Variants in ECHDC1 observed in about 807,000 individuals in gnomAD.
ECHDC1 encodes ethylmalonyl-CoA decarboxylase.
ECHDC1 carries 29 observed loss-of-function variants against 29.7 expected under a neutral mutation model. The observed-to-expected ratio is 0.98, with a 90% CI of 0.73 to 1.33. The LOEUF (loss-of-function observed/expected upper bound fraction) is 1.33. ECHDC1 is among the 40% of genes most tolerant of loss of function. The pLI, the probability that ECHDC1 is intolerant of heterozygous loss-of-function variation, is 0.00. For missense variants in ECHDC1, 328 were observed against 350.0 expected (o/e 0.94, Z 0.50); for synonymous variants, 126 against 123.1 (o/e 1.02, Z -0.15).
At chr6:127,331,090 T>A in intron 1 of ECHDC1, 60 bp from the exon 2 acceptor site, 1 of 1,311,648 alleles carries the variant, frequency 7.6e-7, no homozygotes, top group South Asian at 1.2e-5. Flanking sequence ...TTTTCTAATA[T>A]TATGTGTTAA....
At chr6:127,324,070 T>G (rs924188188) in intron 3 of ECHDC1, among the ~76,000 whole-genome samples, 1 of 152,158 alleles carries the variant, frequency 6.6e-6, no homozygotes, top group African/African-American at 2.4e-5. Flanking sequence ...TTGCTGATTT[T>G]TAATGATGAC....
At chr6:127,341,079 T>C (rs1784902243) in intron 1 of ECHDC1, among the ~76,000 whole-genome samples, 1 of 152,212 alleles carries the variant, frequency 6.6e-6, no homozygotes, top group Admixed American at 6.5e-5. Flanking sequence ...ATGCCAATTT[T>C]TCCAAGAAAA....
intron 1 of ECHDC1, among the ~76,000 whole-genome samples, chr6:127,340,919 T>C (rs1784885212): frequency 6.6e-6 from 1 of 152,152 alleles, no homozygotes; most frequent in Non-Finnish European, 1.5e-5. Context: ...TCTGTCTTGA[T>C]ACATTACCCC....
At chr6:127,342,233 G>A in intron 1 of ECHDC1, 1 of 996,352 alleles carries the variant, frequency 1.0e-6, no homozygotes. Context: ...CTTCCCATTA[G>A]TCTTAGCTGC....
At chr6:127,326,420 A>G in intron 3 of ECHDC1, 1 of 357,882 alleles carries the variant, frequency 2.8e-6, no homozygotes, top group East Asian at 8.1e-5. Flanking sequence ...TAAACTACCC[A>G]GTCTCAGGTA....
At chr6:127,298,759 A>G (rs934724136) in intron 5 of ECHDC1, among the ~76,000 whole-genome samples, 1 of 152,192 alleles carries the variant, frequency 6.6e-6, no homozygotes, top group African/African-American at 2.4e-5. Flanking sequence ...TGATGCTGTT[A>G]AAAACAAACT....
At chr6:127,293,104 A>C (rs962783140) in intron 5 of ECHDC1, among the ~76,000 whole-genome samples, 2 of 152,094 alleles carry the variant, frequency 1.3e-5, no homozygotes, top group African/African-American at 4.8e-5. Context: ...TACACCTTTG[A>C]CAGGTGATAC....
At chr6:127,327,851 C>T (rs1024366630) in intron 2 of ECHDC1, among the ~76,000 whole-genome samples, 3 of 152,194 alleles carry the variant, frequency 2.0e-5, no homozygotes, top group Non-Finnish European at 2.9e-5. Context: ...ACAGCTGGGA[C>T]TGGCATTTTA....
intron 2 of ECHDC1, among the ~76,000 whole-genome samples, chr6:127,328,003 G>A (rs1437862126): frequency 6.6e-6 from 1 of 152,152 alleles, no homozygotes; most frequent in African/African-American, 2.4e-5. Flanking sequence ...TCATAACAGC[G>A]GGTTAAAACT....
intron 1 of ECHDC1, among the ~76,000 whole-genome samples, chr6:127,331,346 A>C (rs542713290): frequency 2.0e-5 from 3 of 152,112 alleles, no homozygotes; most frequent in South Asian, 4.2e-4. Flanking sequence ...GGGTTTCACC[A>C]TGTTAACCAG....
chr6:127,315,719 T>C, intron 4 of ECHDC1: 1 of 326,956 alleles, frequency 3.1e-6, no homozygotes, highest in South Asian at 2.6e-5. Context: ...GTTTAAACAA[T>C]GAAGATACTA....
At chr6:127,300,287 T>G (rs1780955427) in intron 5 of ECHDC1, among the ~76,000 whole-genome samples, 1 of 152,186 alleles carries the variant, frequency 6.6e-6, no homozygotes, top group African/African-American at 2.4e-5. Context: ...AATCTGACAA[T>G]TAAATTCCCT....
intron 5 of ECHDC1, among the ~76,000 whole-genome samples, chr6:127,303,897 T>C (rs1167404544): frequency 6.6e-6 from 1 of 152,190 alleles, no homozygotes; most frequent in African/African-American, 2.4e-5. Context: ...CCAGCTAGAC[T>C]TCTAAAGTTT....
At chr6:127,324,943 T>C (rs1582988663) in intron 3 of ECHDC1, among the ~76,000 whole-genome samples, 2 of 152,318 alleles carry the variant, frequency 1.3e-5, no homozygotes, top group East Asian at 1.9e-4. Flanking sequence ...TTCCAGGAGA[T>C]GGAATTTATT....
chr6:127,315,943 C>G, intron 4 of ECHDC1: 1 of 470,662 alleles, frequency 2.1e-6, no homozygotes, highest in Non-Finnish European at 4.4e-6. Flanking sequence ...CCTTGATAGG[C>G]CAAGAAGAAT....
chr6:127,312,513 A>C (rs1337795397), intron 5 of ECHDC1, among the ~76,000 whole-genome samples: 1 of 152,188 alleles, frequency 6.6e-6, no homozygotes, highest in Non-Finnish European at 1.5e-5. Flanking sequence ...AAAATTTAAG[A>C]AACCAATATA....
chr6:127,313,536 AAATATG>A, intron 5 of ECHDC1: 1 of 453,586 alleles, frequency 2.2e-6, no homozygotes, highest in Non-Finnish European at 4.4e-6. Flanking sequence ...TGATGTTTTG[AAATATG>A]TAGAGCACTA....
intron 3 of ECHDC1, among the ~76,000 whole-genome samples, chr6:127,318,920 G>A (rs1782614173): frequency 6.6e-6 from 1 of 152,184 alleles, no homozygotes; most frequent in African/African-American, 2.4e-5. Flanking sequence ...CAGGCACGAG[G>A]AGCTAAAAAG....
intron 5 of ECHDC1, among the ~76,000 whole-genome samples, chr6:127,306,368 C>T (rs1781439511): frequency 6.6e-6 from 1 of 152,062 alleles, no homozygotes; most frequent in South Asian, 2.1e-4. Flanking sequence ...CTTCAACACC[C>T]CACGTTCAGC....
Sources: allele counts gnomAD v4.1 joint callset (sites outside exome capture counted in the v4.1 genomes callset), GRCh38; gene constraint gnomAD v4.1.1; transcripts MANE v1.5; gene names NCBI Gene and HGNC (gene_info 2026-07-23, HGNC 2026-07-21).